Variants in TFDP2 observed in about 807,000 individuals in gnomAD.
TFDP2 encodes the protein transcription factor Dp-2.
A neutral mutation model predicts 59.3 loss-of-function variants in TFDP2; 17 were observed. That is an observed-to-expected ratio of 0.29 (90% CI 0.20 to 0.43). TFDP2 has a LOEUF of 0.43. Ranked by LOEUF, TFDP2 falls within the 20% of genes least tolerant of loss-of-function variation. TFDP2 has a pLI of 1.00. For missense variants in TFDP2, 391 were observed against 528.8 expected, an observed-to-expected ratio of 0.74 and a Z score of 2.56; for synonymous variants, 180 against 194.7, an observed-to-expected ratio of 0.92 and a Z score of 0.63.
chr3:141,982,430 A>C (rs1009814695), intron 6 of TFDP2, among the ~76,000 whole-genome samples: 1 of 151,498 alleles, frequency 6.6e-6, no homozygotes, highest in Non-Finnish European at 1.5e-5. Flanking sequence ...CCCCCTACTC[A>C]AGTAGGGGGT....
intron 6 of TFDP2, among the ~76,000 whole-genome samples, chr3:141,991,335 A>G (rs1377757952): frequency 1.3e-5 from 2 of 152,194 alleles, no homozygotes; most frequent in East Asian, 3.8e-4. Context: ...TTTAATAAGG[A>G]GTTATATAAA....
At chr3:142,107,806 C>G (rs1262724099) in intron 1 of TFDP2, among the ~76,000 whole-genome samples, 4 of 151,992 alleles carry the variant, frequency 2.6e-5, no homozygotes, top group Non-Finnish European at 4.4e-5. Context: ...TAATACTTTA[C>G]AAAATATATC....
At chr3:142,034,176 A>G (rs1237068905) in intron 3 of TFDP2, among the ~76,000 whole-genome samples, 1 of 146,722 alleles carries the variant, frequency 6.8e-6, no homozygotes, top group African/African-American at 2.5e-5. Flanking sequence ...GCTCACCTCA[A>G]CCTCCGCCTC....
rs137855952 is a variant in TFDP2 at position 141,958,071 on chromosome 3, T to C, written c.1051+1603A>G. On this transcript the variant is annotated intron_variant, in intron 11 of 12. Transcript: ENST00000489671. ...TCTACTCTGCTGGGGAACGTGTAAT[T>C]TGGTAAAATCAAATTGAAAATTTTT... 7.5e-4 allele frequency among the ~76,000 whole-genome samples: 114 copies of C among 152,218 alleles called. 1 individual carries two copies. Among genetic ancestry groups the C allele is most frequent in the African/African-American group, 2.7e-3 (111 of 41,532 alleles).
intron 3 of TFDP2, among the ~76,000 whole-genome samples, chr3:142,038,162 A>G (rs1946775987): frequency 6.6e-6 from 1 of 152,174 alleles, no homozygotes; most frequent in African/African-American, 2.4e-5. Flanking sequence ...AAGCAGGTGG[A>G]TCATGAGGTC....
At chr3:142,055,602 T>C (rs144091810) in intron 3 of TFDP2, among the ~76,000 whole-genome samples, 35 of 152,360 alleles carry the variant, frequency 2.3e-4, no homozygotes, top group African/African-American at 8.2e-4. Context: ...AACTCAGACC[T>C]ATTTGATTCC....
At chr3:141,984,018 A>T (rs952431405) in intron 6 of TFDP2, among the ~76,000 whole-genome samples, 1 of 152,256 alleles carries the variant, frequency 6.6e-6, no homozygotes, top group Non-Finnish European at 1.5e-5. Flanking sequence ...ACCCATGCTC[A>T]TAGCACCATT....
chr3:142,001,917 A>G (rs1943805300), intron 4 of TFDP2, among the ~76,000 whole-genome samples: 1 of 151,336 alleles, frequency 6.6e-6, no homozygotes, highest in African/African-American at 2.4e-5. Flanking sequence ...CAGGGTCACT[A>G]CAGCCTTGGA....
At chr3:142,014,253 C>T (rs1944948454) in intron 3 of TFDP2, among the ~76,000 whole-genome samples, 1 of 152,208 alleles carries the variant, frequency 6.6e-6, no homozygotes, top group Admixed American at 6.5e-5. Flanking sequence ...AGTTATCCTC[C>T]TGCCTCAGCT....
At chr3:142,105,688 TGA>T (rs1365900508) in intron 1 of TFDP2, among the ~76,000 whole-genome samples, 1 of 152,240 alleles carries the variant, frequency 6.6e-6, no homozygotes, top group East Asian at 1.9e-4. Flanking sequence ...GCCATATTAA[TGA>T]GCTTCACAGA....
chr3:142,147,394 T>C (rs1362692098), intron 1 of TFDP2, among the ~76,000 whole-genome samples: 1 of 152,206 alleles, frequency 6.6e-6, no homozygotes, highest in Non-Finnish European at 1.5e-5. Flanking sequence ...GTTTAAAAGA[T>C]GATGACAAGG....
At chr3:142,018,440 A>T (rs1945314862) in intron 3 of TFDP2, among the ~76,000 whole-genome samples, 1 of 151,920 alleles carries the variant, frequency 6.6e-6, no homozygotes, top group South Asian at 2.1e-4. Context: ...ATTTACATAT[A>T]TCCTCATTAA....
At chr3:142,046,251 G>T (rs1188331903) in intron 3 of TFDP2, among the ~76,000 whole-genome samples, 2 of 152,106 alleles carry the variant, frequency 1.3e-5, no homozygotes, top group Non-Finnish European at 2.9e-5. Flanking sequence ...GTCAAAAACA[G>T]GACCTAACCA....
In TFDP2 at chr3:141,996,601, T is replaced by C. The variant is rs1055439256; in HGVS notation, c.187-1460A>G. Among the ~76,000 whole-genome samples, 59 of 152,238 alleles carry C rather than the reference T, an allele frequency of 3.9e-4. 1 individual carries two copies. Among genetic ancestry groups the C allele is most frequent in the Non-Finnish European group, 4.4e-5 (3 of 68,042 alleles). On this transcript the variant is annotated intron_variant, in intron 4 of 12. Transcript: ENST00000489671. ...GTGAATCATTAAGTTCATTGCTAAC[T>C]TGCTCCATACATAACTGAAGGGAAG...
intron 5 of TFDP2, among the ~76,000 whole-genome samples, chr3:141,993,866 G>A (rs2271386): frequency 0.11 from 17,353 of 152,186 alleles, 1,222 homozygotes; most frequent in East Asian, 0.18. Flanking sequence ...TTCACTCTGC[G>A]AAATACTGAC....
intron 3 of TFDP2, among the ~76,000 whole-genome samples, chr3:142,024,604 C>T (rs116194341): frequency 6.6e-6 from 1 of 152,196 alleles, no homozygotes; most frequent in African/African-American, 2.4e-5. Flanking sequence ...TATTCTGAAT[C>T]GGGTTACAAT....
rs1935737956 is a variant in TFDP2, at chr3:141,949,817, T to TTA, written c.*2695_*2696insTA. The TTA allele has an allele frequency of 7.0e-6, 1 of 143,012 alleles. No homozygotes were observed. Among genetic ancestry groups the TTA allele is most frequent in the Non-Finnish European group, 1.5e-5 (1 of 66,740 alleles). The allele number at this position is 143,012 out of a possible 1,614,324, so 8.9% of individuals were successfully genotyped here. A position where few individuals can be genotyped will look rare whatever the true frequency, so the allele number is the denominator to read the frequency against. On this transcript the variant is annotated 3_prime_UTR_variant, in exon 13 of 13. Coordinates refer to ENST00000489671, the MANE Select transcript of TFDP2 (RefSeq NM_001178139.2). ...GTGACCACAACTTCCATTTTTTTTT[T>TTA]TTTTTTTTTTGAGACAGGGTCTTGC...
intron 3 of TFDP2, among the ~76,000 whole-genome samples, chr3:142,056,948 A>G (rs1472090627): frequency 6.6e-6 from 1 of 152,212 alleles, no homozygotes; most frequent in African/African-American, 2.4e-5. Context: ...CTCAGAAACC[A>G]TGTGAGATGA....
Position 141,948,519 on chromosome 3 carries a change from G to T in TFDP2, c.*3994C>A, listed in dbSNP as rs1935509276. 2 of 150,782 alleles carry T rather than the reference G, an allele frequency of 1.3e-5. No individual in the cohort carries two copies. The highest frequency in any genetic ancestry group is 2.0e-4 in the East Asian group (1 of 5,080). 9.3% of individuals were successfully genotyped at this position (150,782 alleles called of 1,614,324 possible). ...GATTGCGCCACTACACTCCAGCCTGGCGACAGAGCAAGACTCCGTCTCAAA... is the reference window on the plus strand; with the variant it reads ...GATTGCGCCACTACACTCCAGCCTGTCGACAGAGCAAGACTCCGTCTCAAA... On this transcript the variant is annotated 3_prime_UTR_variant, in exon 13 of 13. Coordinates refer to ENST00000489671, the MANE Select transcript of TFDP2 (RefSeq NM_001178139.2).
Sources: allele counts gnomAD v4.1 joint callset (sites outside exome capture counted in the v4.1 genomes callset), GRCh38; gene constraint gnomAD v4.1.1; transcripts MANE v1.5; gene names NCBI Gene and HGNC (gene_info 2026-07-23, HGNC 2026-07-21).